Variants in DPP6 observed in about 807,000 individuals in gnomAD.
DPP6 encodes the protein A-type potassium channel modulatory protein DPP6.
In DPP6, 69 loss-of-function variants were observed where a neutral mutation model predicts 122.6. The ratio of observed to expected loss-of-function variants is 0.56; its 90% confidence interval spans 0.46 to 0.69. DPP6 has a LOEUF of 0.69. Among genes scored for constraint, DPP6 ranks in the 30% least tolerant of loss-of-function variants. The pLI, the probability that DPP6 is intolerant of heterozygous loss-of-function variation, is 0.00. For synonymous variants in DPP6, 418 were observed against 433.1 expected (o/e 0.97, Z 0.43); for missense variants, 928 against 1,116.9 (o/e 0.83, Z 2.41).
chr7:154,143,865 T>G (rs1795962070), intron 1 of DPP6, among the ~76,000 whole-genome samples: 1 of 152,162 alleles, frequency 6.6e-6, no homozygotes, highest in African/African-American at 2.4e-5. Flanking sequence ...CTTTGTGCCG[T>G]TTTTTGTACA....
intron 1 of DPP6, among the ~76,000 whole-genome samples, chr7:154,265,475 T>C (rs951934843): frequency 3.3e-5 from 5 of 152,208 alleles, no homozygotes; most frequent in Non-Finnish European, 5.9e-5. Context: ...GAATGTATTT[T>C]ACAGAAATGC....
At chr7:154,151,357 C>T (rs1796409861) in intron 1 of DPP6, among the ~76,000 whole-genome samples, 1 of 152,188 alleles carries the variant, frequency 6.6e-6, no homozygotes, top group Non-Finnish European at 1.5e-5. Flanking sequence ...CACCCTGTCC[C>T]CAGAGCCTCC....
chr7:154,314,823 A>G (rs1449244494), intron 1 of DPP6, among the ~76,000 whole-genome samples: 1 of 152,204 alleles, frequency 6.6e-6, no homozygotes, highest in Non-Finnish European at 1.5e-5. Flanking sequence ...GATTAACACG[A>G]AAACTGTTAA....
chr7:154,339,113 CT>C (rs1168560142), intron 1 of DPP6, among the ~76,000 whole-genome samples: 1 of 152,178 alleles, frequency 6.6e-6, no homozygotes. Flanking sequence ...GGGGCCGGTC[CT>C]TGGTGGTCAC....
intron 1 of DPP6, among the ~76,000 whole-genome samples, chr7:154,260,692 A>T (rs1802954751): frequency 6.8e-6 from 1 of 147,756 alleles, no homozygotes; most frequent in Non-Finnish European, 1.5e-5. Context: ...ATATATATGT[A>T]TAATATATAT....
intron 1 of DPP6, among the ~76,000 whole-genome samples, chr7:153,943,227 G>A (rs1316679921): frequency 6.6e-6 from 1 of 152,210 alleles, no homozygotes; most frequent in Non-Finnish European, 1.5e-5. Context: ...CTAATGGCCA[G>A]CTCATGACAC....
At chr7:154,087,765 T>C (rs1804529876) in intron 1 of DPP6, among the ~76,000 whole-genome samples, 1 of 152,088 alleles carries the variant, frequency 6.6e-6, no homozygotes, top group African/African-American at 2.4e-5. Context: ...AAACATGGGG[T>C]GGTACTCAAA....
chr7:154,886,460 T>G (rs1221983697), intron 22 of DPP6, among the ~76,000 whole-genome samples: 2 of 152,220 alleles, frequency 1.3e-5, no homozygotes, highest in Non-Finnish European at 2.9e-5. Context: ...TCCAGGCTCC[T>G]GCATTCTCCT....
At chr7:154,713,990 A>G (rs576705998) in intron 7 of DPP6, among the ~76,000 whole-genome samples, 1 of 152,330 alleles carries the variant, frequency 6.6e-6, no homozygotes, top group African/African-American at 2.4e-5. Context: ...GATACTTTAA[A>G]TCATTTCTCT....
intron 5 of DPP6, among the ~76,000 whole-genome samples, chr7:154,574,570 G>A (rs1014726538): frequency 0.029 from 4,043 of 141,198 alleles, 89 homozygotes; most frequent in Non-Finnish European, 0.046. Context: ...GTGTATAAGT[G>A]TGTGGTGTGT....
At chr7:154,298,798 C>G (rs1805711212) in intron 1 of DPP6, among the ~76,000 whole-genome samples, 3 of 152,076 alleles carry the variant, frequency 2.0e-5, no homozygotes, top group Admixed American at 6.6e-5. Flanking sequence ...CCTCTCGAAG[C>G]CTGGGGGAGG....
chr7:153,964,275 C>T (rs182504906), intron 1 of DPP6, among the ~76,000 whole-genome samples: 3 of 152,146 alleles, frequency 2.0e-5, no homozygotes, highest in South Asian at 2.1e-4. Flanking sequence ...AGATTACAGG[C>T]GTGAGCCACT....
rs147125756 is a variant in DPP6 at position 154,798,307 on chromosome 7, C to T, written c.1299+2424C>T. 5.3e-4 allele frequency among the ~76,000 whole-genome samples: 81 copies of T among 152,264 alleles called. No homozygotes were observed. In the East Asian group the frequency reaches 0.014, roughly 27 times the overall value. On this transcript the variant is annotated intron_variant, in intron 12 of 25. Transcript: ENST00000377770. Reference sequence around the variant, plus strand: ...GAGCCGAGGTCGTCAGCAGGACTTTCCTGTATTAGCGATTGTGTGTCTCAT... The same window carrying T: ...GAGCCGAGGTCGTCAGCAGGACTTTTCTGTATTAGCGATTGTGTGTCTCAT...
chr7:153,826,908 TA>T, the DPP6 span, among the ~76,000 whole-genome samples: 57 of 152,262 alleles, frequency 3.7e-4, no homozygotes, highest in African/African-American at 1.3e-3. Context: ...TTTTGGCATA[TA>T]GATGGGTGTA....
At chr7:154,441,836 C>G (rs184805256) in intron 1 of DPP6, among the ~76,000 whole-genome samples, 4 of 152,256 alleles carry the variant, frequency 2.6e-5, no homozygotes, top group African/African-American at 9.6e-5. Context: ...AAGCTGTAAT[C>G]ACAAGTTACT....
chr7:154,434,249 G>A (rs1394635275), intron 1 of DPP6, among the ~76,000 whole-genome samples: 1 of 152,132 alleles, frequency 6.6e-6, no homozygotes, highest in African/African-American at 2.4e-5. Context: ...ATAGTTTCAG[G>A]TAGAAATTAT....
intron 1 of DPP6, among the ~76,000 whole-genome samples, chr7:154,080,473 A>T (rs539082311): frequency 1.3e-5 from 2 of 152,202 alleles, no homozygotes; most frequent in Non-Finnish European, 2.9e-5. Context: ...GACCAAAGCG[A>T]CCTTGATGTT....
At chr7:154,372,588 T>C (rs868075775) in intron 1 of DPP6, among the ~76,000 whole-genome samples, 10 of 152,338 alleles carry the variant, frequency 6.6e-5, no homozygotes, top group South Asian at 4.1e-4. Context: ...TGTCCAGAGA[T>C]GCTTTTTTAA....
chr7:154,415,364 T>C (rs1169705752), intron 1 of DPP6, among the ~76,000 whole-genome samples: 2 of 152,144 alleles, frequency 1.3e-5, no homozygotes, highest in African/African-American at 2.4e-5. Context: ...CCGCATATAA[T>C]ATATTCAATT....
Sources: allele counts gnomAD v4.1 joint callset (sites outside exome capture counted in the v4.1 genomes callset), GRCh38; gene constraint gnomAD v4.1.1; transcripts MANE v1.5; gene names NCBI Gene and HGNC (gene_info 2026-07-23, HGNC 2026-07-21).